Variants in GTF2E2 observed in about 807,000 individuals in gnomAD.
GTF2E2 encodes general transcription factor IIE subunit 2.
GTF2E2 carries 21 observed loss-of-function variants against 40.5 expected under a neutral mutation model. The observed-to-expected ratio is 0.52, with a 90% CI of 0.37 to 0.75. GTF2E2 has a LOEUF of 0.75. Among genes scored for constraint, GTF2E2 ranks in the 30% least tolerant of loss-of-function variants. The pLI is 0.00. For missense variants in GTF2E2, 298 were observed against 338.4 expected (o/e 0.88, Z 0.94); for synonymous variants, 117 against 121.6 (o/e 0.96, Z 0.25).
intron 1 of GTF2E2, among the ~76,000 whole-genome samples, chr8:30,653,982 G>C (rs764185222): frequency 1.2e-4 from 18 of 151,858 alleles, no homozygotes; most frequent in Admixed American, 1.2e-3. Context: ...CCAGCTACTC[G>C]GGAGGCGGAA....
Position 30,614,589 on chromosome 8 carries a change from T to A in GTF2E2, c.366+19A>T. 7.9e-7 allele frequency: 1 copy of A among 1,268,974 alleles called. No individual in the cohort carries two copies. The highest frequency in any genetic ancestry group is 1.2e-5 in the South Asian group (1 of 81,120). The allele number at this position is 1,268,974 out of a possible 1,614,324, so 78.6% of individuals were successfully genotyped here. A position where few individuals can be genotyped will look rare whatever the true frequency, so the allele number is the denominator to read the frequency against. On this transcript the variant is annotated intron_variant, in intron 4 of 7. Coordinates refer to ENST00000355904, the MANE Select transcript of GTF2E2 (RefSeq NM_002095.6). ...TCTAGTTACAGGAAATCTCTCTTGA[T>A]AATCAACTAAATTCTTACCTCAGTC...
At chr8:30,592,026 T>G (rs1199311575) in intron 6 of GTF2E2, among the ~76,000 whole-genome samples, 1 of 152,214 alleles carries the variant, frequency 6.6e-6, no homozygotes, top group Non-Finnish European at 1.5e-5. Context: ...TTTCATTTAA[T>G]GCAACAATGT....
intron 1 of GTF2E2, among the ~76,000 whole-genome samples, chr8:30,654,435 C>T (rs1226214124): frequency 6.6e-6 from 1 of 152,168 alleles, no homozygotes; most frequent in Non-Finnish European, 1.5e-5. Context: ...CAGTGTCTCA[C>T]TGTGTTGCCC....
At chr8:30,623,770 T>C (rs1440135504) in intron 3 of GTF2E2, among the ~76,000 whole-genome samples, 2 of 152,236 alleles carry the variant, frequency 1.3e-5, no homozygotes, top group East Asian at 3.9e-4. Context: ...TGGCCAGTGA[T>C]GATGAGCATT....
chr8:30,650,360 A>G (rs1802231855), intron 2 of GTF2E2, among the ~76,000 whole-genome samples: 1 of 152,130 alleles, frequency 6.6e-6, no homozygotes, highest in Admixed American at 6.5e-5. Flanking sequence ...TTAGATACAT[A>G]AAAAGCATCA....
chr8:30,622,149 T>G, intron 3 of GTF2E2, among the ~76,000 whole-genome samples: 1 of 109,346 alleles, frequency 9.1e-6, no homozygotes, highest in South Asian at 3.4e-4. Context: ...CAGGCCCCGG[T>G]GTGTGATGTT....
intron 6 of GTF2E2, chr8:30,585,166 A>G (rs926263710): frequency 6.5e-6 from 1 of 152,810 alleles, no homozygotes; most frequent in Non-Finnish European, 1.5e-5. Flanking sequence ...AGCCTGGGCA[A>G]CAAGAGCGAA....
In GTF2E2 at chr8:30,635,124, C is replaced by A; in HGVS notation, c.167-1G>T. 6.4e-7 allele frequency: 1 copy of A among 1,564,138 alleles called. No individual in the cohort carries two copies. On this transcript the variant is annotated splice_acceptor_variant, in intron 2 of 7. Transcript: ENST00000355904. LOFTEE classifies it high-confidence loss of function. ...AAGTTAAATGATCCATTGCTATGAT[C>A]TGCAAATGAAGTTCAAAATAACATC...
chr8:30,614,011 T>C (rs1800823805), intron 4 of GTF2E2, among the ~76,000 whole-genome samples: 1 of 152,160 alleles, frequency 6.6e-6, no homozygotes, highest in Non-Finnish European at 1.5e-5. Flanking sequence ...TGCTTTAAAT[T>C]TCCTAAAACA....
chr8:30,600,569 A>G (rs2151119094), intron 6 of GTF2E2, among the ~76,000 whole-genome samples: 1 of 151,974 alleles, frequency 6.6e-6, no homozygotes, highest in East Asian at 1.9e-4. Flanking sequence ...TAAAACCTAC[A>G]TGGAATGAAT....
intron 3 of GTF2E2, among the ~76,000 whole-genome samples, chr8:30,615,076 C>A (rs1246489278): frequency 6.6e-6 from 1 of 151,984 alleles, no homozygotes; most frequent in African/African-American, 2.4e-5. Context: ...GTCAGGTGTT[C>A]GAGACCAGCC....
chr8:30,640,594 C>T (rs1307342813), intron 2 of GTF2E2, among the ~76,000 whole-genome samples: 2 of 152,140 alleles, frequency 1.3e-5, no homozygotes, highest in East Asian at 1.9e-4. Context: ...TTTTTATATA[C>T]ACCATTTTCT....
intron 2 of GTF2E2, among the ~76,000 whole-genome samples, chr8:30,642,814 G>T (rs1339362570): frequency 6.6e-6 from 1 of 152,180 alleles, no homozygotes; most frequent in Non-Finnish European, 1.5e-5. Context: ...CTCATTAATG[G>T]ATACAAGTTA....
intron 2 of GTF2E2, among the ~76,000 whole-genome samples, chr8:30,646,420 T>C (rs1802077662): frequency 6.6e-6 from 1 of 151,788 alleles, no homozygotes. Flanking sequence ...GGCAGTTTTA[T>C]TTCTTGGAAT....
intron 2 of GTF2E2, among the ~76,000 whole-genome samples, chr8:30,641,904 T>G (rs778196125): frequency 6.6e-6 from 1 of 152,050 alleles, no homozygotes; most frequent in Non-Finnish European, 1.5e-5. Context: ...TGTGCTCAAG[T>G]GATCCTCCTG....
chr8:30,602,228 G>C (rs1305202234), intron 6 of GTF2E2, among the ~76,000 whole-genome samples: 1 of 152,036 alleles, frequency 6.6e-6, no homozygotes, highest in African/African-American at 2.4e-5. Flanking sequence ...ATGTTGACCA[G>C]GCTGGTCTTG....
intron 3 of GTF2E2, among the ~76,000 whole-genome samples, chr8:30,624,229 T>C (rs1447693896): frequency 7.2e-5 from 11 of 152,204 alleles, no homozygotes; most frequent in Non-Finnish European, 1.6e-4. Flanking sequence ...TTTCTACATA[T>C]GGCTAGCCAG....
chr8:30,628,197 A>T (rs1801340158), intron 3 of GTF2E2, among the ~76,000 whole-genome samples: 1 of 152,234 alleles, frequency 6.6e-6, no homozygotes, highest in South Asian at 2.1e-4. Flanking sequence ...GCTTCTGCCC[A>T]ACTGAGAACA....
intron 2 of GTF2E2, chr8:30,645,295 G>A: frequency 6.5e-7 from 1 of 1,528,880 alleles, no homozygotes; most frequent in Non-Finnish European, 8.7e-7. Flanking sequence ...AAAAGAGCAA[G>A]TGGAATCTCT....
Sources: gnomAD v4.1 joint callset for allele counts (sites outside exome capture counted in the v4.1 genomes callset) on GRCh38, gnomAD v4.1.1 for gene constraint, MANE v1.5 for transcripts, NCBI Gene and HGNC (gene_info 2026-07-23, HGNC 2026-07-21) for gene names.